Variants in GLIS3 observed in about 807,000 individuals in gnomAD.
GLIS3 encodes zinc finger protein GLIS3.
A neutral mutation model predicts 78.6 loss-of-function variants in GLIS3; 53 were observed. The ratio of observed to expected loss-of-function variants is 0.67; its 90% CI spans 0.54 to 0.85. The LOEUF (loss-of-function observed/expected upper bound fraction) is 0.85, where lower values mean the gene tolerates loss of function less well. GLIS3 is among the 40% of genes least tolerant of loss of function. The pLI is 0.00. For missense variants in GLIS3, 1,703 were observed against 1,231.1 expected (o/e 1.38, Z -5.74); for synonymous variants, 684 against 509.9 (o/e 1.34, Z -4.60).
At chr9:4,278,075 A>T (rs1827191978) in intron 2 of GLIS3, among the ~76,000 whole-genome samples, 1 of 152,170 alleles carries the variant, frequency 6.6e-6, no homozygotes, top group South Asian at 2.1e-4. Flanking sequence ...ACATAAAACT[A>T]AAAGTAACTC....
intron 8 of GLIS3, among the ~76,000 whole-genome samples, chr9:3,866,668 G>C (rs552626727): frequency 3.3e-5 from 5 of 152,224 alleles, no homozygotes; most frequent in Non-Finnish European, 7.3e-5. Flanking sequence ...CAACAGGCCA[G>C]TGTGGCTGGA....
intron 4 of GLIS3, among the ~76,000 whole-genome samples, chr9:3,952,835 A>G (rs374516894): frequency 1.6e-4 from 24 of 152,118 alleles, no homozygotes; most frequent in African/African-American, 5.6e-4. Context: ...TGGATGCTAC[A>G]TTTCTAAAAA....
intron 4 of GLIS3, among the ~76,000 whole-genome samples, chr9:4,009,972 T>C (rs1821865988): frequency 6.6e-6 from 1 of 152,194 alleles, no homozygotes; most frequent in Non-Finnish European, 1.5e-5. Flanking sequence ...CAGCAGAGTG[T>C]GGAGCATGGG....
intron 4 of GLIS3, among the ~76,000 whole-genome samples, chr9:4,088,744 T>C (rs559903873): frequency 1.3e-5 from 2 of 152,364 alleles, no homozygotes; most frequent in South Asian, 4.1e-4. Context: ...CCTTGTAAAT[T>C]TTAGTGCCTT....
chr9:3,984,819 TG>T (rs1207004298), intron 4 of GLIS3, among the ~76,000 whole-genome samples: 1 of 152,164 alleles, frequency 6.6e-6, no homozygotes, highest in Admixed American at 6.5e-5. Flanking sequence ...GATTGAATTG[TG>T]GGGGCGTGTC....
chr9:3,862,890 C>G (rs1294914406), intron 8 of GLIS3, among the ~76,000 whole-genome samples: 2 of 144,268 alleles, frequency 1.4e-5, no homozygotes, highest in African/African-American at 5.2e-5. Flanking sequence ...TGGATATAAA[C>G]TAGTCTACGA....
intron 8 of GLIS3, among the ~76,000 whole-genome samples, chr9:3,873,837 TAA>T (rs34764845): frequency 2.6e-5 from 4 of 152,098 alleles, no homozygotes; most frequent in East Asian, 3.8e-4. Context: ...CCATAGAGAC[TAA>T]AAAAAACTGG....
At chr9:4,198,666 C>T (rs975811402) in intron 2 of GLIS3, among the ~76,000 whole-genome samples, 9 of 152,022 alleles carry the variant, frequency 5.9e-5, no homozygotes, top group African/African-American at 2.2e-4. Flanking sequence ...AAAATTTCCC[C>T]AATCTTGCTA....
At chr9:4,471,204 C>T in the GLIS3 span, among the ~76,000 whole-genome samples, 1 of 152,158 alleles carries the variant, frequency 6.6e-6, no homozygotes. Context: ...AGATTCAATG[C>T]CATCCCCATC....
intron 4 of GLIS3, among the ~76,000 whole-genome samples, chr9:4,116,926 C>T (rs1481665025): frequency 6.6e-6 from 1 of 152,122 alleles, no homozygotes; most frequent in Non-Finnish European, 1.5e-5. Flanking sequence ...AAGGGTGATG[C>T]CCTGTTTATA....
intron 9 of GLIS3, among the ~76,000 whole-genome samples, chr9:3,838,696 A>T (rs1396930776): frequency 1.3e-5 from 2 of 151,992 alleles, no homozygotes; most frequent in Non-Finnish European, 2.9e-5. Flanking sequence ...GAATTCCCCC[A>T]ACCAACTACA....
chr9:4,478,264 C>T, the GLIS3 span, among the ~76,000 whole-genome samples: 1 of 152,162 alleles, frequency 6.6e-6, no homozygotes, highest in Non-Finnish European at 1.5e-5. Context: ...GATTGGAACA[C>T]ATAAATCTAT....
rs1459050867 is a variant in GLIS3, at chr9:3,904,066, C to T, written c.1984-5231G>A. Among the ~76,000 whole-genome samples, 6 of 152,280 alleles carry T rather than the reference C, an allele frequency of 3.9e-5. No homozygotes were observed. In the East Asian group the frequency reaches 1.2e-3, roughly 29 times the overall value. On this transcript the variant is annotated intron_variant, in intron 6 of 10. Coordinates refer to ENST00000381971, the MANE Select transcript of GLIS3 (RefSeq NM_001042413.2). ...CCATAAATATCCACAGTCTCATAGGCACTTTGTCTCCCCTTCTTTGAGAGC... is the reference window on the plus strand; with the variant it reads ...CCATAAATATCCACAGTCTCATAGGTACTTTGTCTCCCCTTCTTTGAGAGC...
At chr9:3,976,917 T>A (rs1462507265) in intron 4 of GLIS3, among the ~76,000 whole-genome samples, 1 of 148,950 alleles carries the variant, frequency 6.7e-6, no homozygotes, top group Non-Finnish European at 1.5e-5. Context: ...GAAAATATTT[T>A]GAGAGAACTT....
chr9:3,835,543 C>G (rs1457152124), intron 9 of GLIS3, among the ~76,000 whole-genome samples: 1 of 152,164 alleles, frequency 6.6e-6, no homozygotes, highest in East Asian at 1.9e-4. Context: ...CAGCCACTAC[C>G]CAAATCTCAG....
At chr9:3,926,082 C>T (rs1462274482) in intron 6 of GLIS3, among the ~76,000 whole-genome samples, 2 of 152,084 alleles carry the variant, frequency 1.3e-5, no homozygotes, top group Admixed American at 6.5e-5. Flanking sequence ...GTGCCATCTC[C>T]GTTAAGGAGG....
At chr9:3,969,856 T>C (rs1010465840) in intron 4 of GLIS3, among the ~76,000 whole-genome samples, 30 of 152,220 alleles carry the variant, frequency 2.0e-4, no homozygotes, top group African/African-American at 7.0e-4. Flanking sequence ...ATTCAAAAAG[T>C]GGCATTTTCA....
At chr9:4,182,338 C>T (rs747380613) in intron 2 of GLIS3, among the ~76,000 whole-genome samples, 58 of 152,278 alleles carry the variant, frequency 3.8e-4, no homozygotes, top group Non-Finnish European at 6.6e-4. Context: ...GTGGTGTCGT[C>T]CGTACTCCTT....
chr9:4,247,991 T>C (rs895454285), intron 2 of GLIS3, among the ~76,000 whole-genome samples: 1 of 152,208 alleles, frequency 6.6e-6, no homozygotes, highest in African/African-American at 2.4e-5. Context: ...CAACTACTCT[T>C]GTGTAGCTGA....
Sources: gnomAD v4.1 joint callset for allele counts (sites outside exome capture counted in the v4.1 genomes callset) on GRCh38, gnomAD v4.1.1 for gene constraint, MANE v1.5 for transcripts, NCBI Gene and HGNC (gene_info 2026-07-23, HGNC 2026-07-21) for gene names.